Variants in MYOM2 observed in about 807,000 individuals in gnomAD.
MYOM2 encodes the protein myomesin 2.
Under a neutral mutation model 187.6 loss-of-function variants are expected in MYOM2, and 254 were observed. The observed-to-expected ratio is 1.35, with a 90% CI of 1.22 to 1.50. MYOM2 has a LOEUF of 1.50. Ranked by LOEUF, MYOM2 falls within the 40% of genes most tolerant of loss-of-function variation. The pLI, the probability that MYOM2 is intolerant of heterozygous loss-of-function variation, is 0.00. For synonymous variants in MYOM2, 981 were observed against 753.8 expected, an observed-to-expected ratio of 1.30 and a Z score of -4.94; for missense variants, 2,796 against 1,924.0, an observed-to-expected ratio of 1.45 and a Z score of -8.48.
rs575713998 is a variant in MYOM2 at position 2,076,137 on chromosome 8, C to T, written c.1121-4C>T. 6.2e-7 allele frequency: 1 copy of T among 1,610,732 alleles called. No homozygotes were observed. The highest frequency in any genetic ancestry group is 1.3e-5 in the African/African-American group (1 of 74,960). On this transcript the variant is annotated splice_region_variant and splice_polypyrimidine_tract_variant and intron_variant, in intron 10 of 36. Transcript: ENST00000262113. ...GCGTGTGCCTTTTCTCTCCCTGCCC[C>T]AAGATGCTGACCCGCTGGTCACAGG...
At chr8:2,133,168 T>G (rs1797936052) in intron 32 of MYOM2, among the ~76,000 whole-genome samples, 1 of 152,226 alleles carries the variant, frequency 6.6e-6, no homozygotes, top group African/African-American at 2.4e-5. Flanking sequence ...AGCAAAAGGC[T>G]GCTGGGTATG....
In MYOM2 at chr8:2,068,475, G is replaced by A. The variant is rs544267294; in HGVS notation, c.654-803G>A. On this transcript the variant is annotated intron_variant, in intron 6 of 36. Transcript: ENST00000262113. ...GTGTGCACCAGGCGGAGAGCATCCC[G>A]TGGGCAGCTCTTCAATGCCCGTGTG... Among the ~76,000 whole-genome samples, 16 of 149,746 alleles carry A rather than the reference G, an allele frequency of 1.1e-4. No individual in the cohort carries two copies. In the South Asian group the frequency reaches 2.3e-3, roughly 22 times the overall value.
chr8:2,121,580 A>G (rs1797459724), intron 28 of MYOM2, among the ~76,000 whole-genome samples: 1 of 152,196 alleles, frequency 6.6e-6, no homozygotes, highest in Non-Finnish European at 1.5e-5. Flanking sequence ...TCGGTGCACC[A>G]TTTTGTCTAC....
rs756483394 is a variant in MYOM2, at chr8:2,145,174, T to G, written c.*193T>G. 3 of 640,996 alleles carry G rather than the reference T, an allele frequency of 4.7e-6. No homozygotes were observed. The highest frequency in any genetic ancestry group is 7.9e-6 in the Non-Finnish European group (3 of 378,584). 39.7% of individuals were successfully genotyped at this position (640,996 alleles called of 1,614,324 possible). ...CGTCTAAGGGAGAAAGCTAATGTTT[T>G]CCACAAGACTGAACAACGTGTATTT... On this transcript the variant is annotated 3_prime_UTR_variant, in exon 37 of 37. Coordinates refer to ENST00000262113, the MANE Select transcript of MYOM2 (RefSeq NM_003970.4).
chr8:2,116,781 G>A (rs1452382792), intron 27 of MYOM2, among the ~76,000 whole-genome samples: 1 of 152,012 alleles, frequency 6.6e-6, no homozygotes, highest in Non-Finnish European at 1.5e-5. Flanking sequence ...TTTTTGAGAT[G>A]GAGTCTTGCT....
chr8:2,129,607 A>G (rs933519297), intron 32 of MYOM2, among the ~76,000 whole-genome samples: 1 of 151,546 alleles, frequency 6.6e-6, no homozygotes, highest in African/African-American at 2.4e-5. Context: ...TTCCCGCTAG[A>G]CTTGATTAAA....
At chr8:2,077,002 T>C (rs1304743007) in intron 11 of MYOM2, among the ~76,000 whole-genome samples, 2 of 152,156 alleles carry the variant, frequency 1.3e-5, no homozygotes, top group Non-Finnish European at 2.9e-5. Context: ...ATTTAGAAAT[T>C]AGACAGAGAG....
rs566326992 is a variant in MYOM2 at position 2,050,305 on chromosome 8, G to A, written c.-12-450G>A. ...CACCTGCCTCGTGGGCCACTCGGCC[G>A]TCCTGGCCTCCTGCCATTCCCAGGA... On this transcript the variant is annotated intron_variant, in intron 1 of 36. Coordinates refer to ENST00000262113, the MANE Select transcript of MYOM2 (RefSeq NM_003970.4). Among the ~76,000 whole-genome samples, 140 of 152,230 alleles carry A rather than the reference G, an allele frequency of 9.2e-4. 1 individual carries two copies. The highest frequency in any genetic ancestry group is 3.4e-3 in the Middle Eastern group (1 of 294).
intron 11 of MYOM2, among the ~76,000 whole-genome samples, chr8:2,077,327 A>G (rs959568565): frequency 6.6e-6 from 1 of 152,096 alleles, no homozygotes; most frequent in Non-Finnish European, 1.5e-5. Flanking sequence ...ACAAAACAAA[A>G]CAAAAAACAA....
rs1282813767 is a variant in MYOM2, at chr8:2,110,652, C to G, written c.3180+1121C>G. 2.0e-5 allele frequency among the ~76,000 whole-genome samples: 3 copies of G among 151,996 alleles called. No homozygotes were observed. In the East Asian group the frequency reaches 5.8e-4, roughly 29 times the overall value. ...TGTGGTTGGCAACCTTAGCTGTGTA[C>G]TAAGTCCTCAGTGTTGATTGGTTTG... On this transcript the variant is annotated intron_variant, in intron 25 of 36. Transcript: ENST00000262113.
At chr8:2,056,709 A>G (rs959569301) in intron 3 of MYOM2, among the ~76,000 whole-genome samples, 2 of 152,190 alleles carry the variant, frequency 1.3e-5, no homozygotes, top group African/African-American at 4.8e-5. Flanking sequence ...CTGCAGAGGA[A>G]AACTCACACA....
At chr8:2,116,905 C>T (rs1797265433) in intron 27 of MYOM2, among the ~76,000 whole-genome samples, 1 of 150,890 alleles carries the variant, frequency 6.6e-6, no homozygotes, top group South Asian at 2.1e-4. Context: ...CTACAGGCGC[C>T]CGCCACTATG....
At chr8:2,072,773 G>A (rs987545309) in intron 9 of MYOM2, among the ~76,000 whole-genome samples, 8 of 152,314 alleles carry the variant, frequency 5.3e-5, no homozygotes, top group East Asian at 1.9e-4. Context: ...GAATGATCTC[G>A]TGCCATTTAG....
chr8:2,062,468 G>C (rs1818882872), intron 6 of MYOM2, among the ~76,000 whole-genome samples: 1 of 152,256 alleles, frequency 6.6e-6, no homozygotes. Context: ...ATTTGCTGCT[G>C]GGCTCGACTG....
rs1819781241 is a variant in MYOM2 at position 2,085,403 on chromosome 8, C to T, written c.1644+13C>T. ...CTTCATTGAGAAGGTAAACTCCGGG[C>T]CCGTGTCCTGGAAAAGTAGATCTCT... On this transcript the variant is annotated intron_variant, in intron 14 of 36. Transcript: ENST00000262113. 4 of 1,611,066 alleles carry T rather than the reference C, an allele frequency of 2.5e-6. No individual in the cohort carries two copies. The highest frequency in any genetic ancestry group is 2.5e-6 in the Non-Finnish European group (3 of 1,178,948).
intron 5 of MYOM2, 30 bp downstream of exon 5, chr8:2,057,810 A>C (rs765889048): frequency 6.2e-7 from 1 of 1,602,380 alleles, no homozygotes; most frequent in South Asian, 1.1e-5. Flanking sequence ...GGGGGTGAAG[A>C]AGTCCATTCT....
intron 6 of MYOM2, among the ~76,000 whole-genome samples, chr8:2,061,907 G>A (rs1389704714): frequency 1.3e-5 from 2 of 152,196 alleles, no homozygotes; most frequent in East Asian, 3.9e-4. Flanking sequence ...CCGCCTTCCA[G>A]GTCCCACTCT....
chr8:2,086,887 A>G (rs1490429434), intron 14 of MYOM2, among the ~76,000 whole-genome samples: 1 of 152,090 alleles, frequency 6.6e-6, no homozygotes. Flanking sequence ...TGTAGAGGAA[A>G]TGCACACAAG....
intron 14 of MYOM2, among the ~76,000 whole-genome samples, chr8:2,088,403 C>G (rs1459795477): frequency 2.0e-5 from 3 of 152,244 alleles, no homozygotes; most frequent in African/African-American, 7.2e-5. Flanking sequence ...GAGCACAGCA[C>G]CCCATAGGTG....
Sources: gnomAD v4.1 joint callset for allele counts (sites outside exome capture counted in the v4.1 genomes callset) on GRCh38, gnomAD v4.1.1 for gene constraint, MANE v1.5 for transcripts, NCBI Gene and HGNC (gene_info 2026-07-23, HGNC 2026-07-21) for gene names.